Variants in ZNF227 observed in about 807,000 individuals in gnomAD.
The protein encoded by ZNF227 is zinc finger protein 227.
In ZNF227, 12 loss-of-function variants were observed where a neutral mutation model predicts 13.2. The ratio of observed to expected loss-of-function variants is 0.91; its 90% CI spans 0.58 to 1.47. The LOEUF (loss-of-function observed/expected upper bound fraction) is 1.47. Among genes scored for constraint, ZNF227 ranks in the 40% most tolerant of loss-of-function variants. ZNF227 has a pLI of 0.00. For missense variants in ZNF227, 885 were observed against 967.5 expected (o/e 0.91, Z 1.13); for synonymous variants, 338 against 326.0 (o/e 1.04, Z -0.40).
chr19:44,235,658 T>C lies in ZNF227; in HGVS notation c.1228T>C (p.Cys410Arg). 1.2e-6 allele frequency: 2 copies of C among 1,614,056 alleles called. No homozygotes were observed. Among genetic ancestry groups the C allele is most frequent in the Middle Eastern group, 1.6e-4 (1 of 6,062 alleles). Residue 410 changes from cysteine to arginine, a missense_variant, in exon 6 of 6, where the codon TGT becomes CGT. Cys to Arg is a radical substitution (Grantham distance 180, BLOSUM62 -3). Coordinates refer to ENST00000313040, the MANE Select transcript of ZNF227 (RefSeq NM_182490.3). Reference protein sequence around the residue: ...RVHRGEKPYKCEECGKGFTQA... With the variant: ...RVHRGEKPYKREECGKGFTQA... ...CCACAGGGGTGAGAAGCCCTATAAATGTGAGGAATGTGGTAAGGGCTTCAC... is the reference window on the plus strand; with the variant it reads ...CCACAGGGGTGAGAAGCCCTATAAACGTGAGGAATGTGGTAAGGGCTTCAC...
Position 44,236,399 on chromosome 19 carries a change from G to T in ZNF227, c.1969G>T (p.Glu657Ter). The T allele has an allele frequency of 6.2e-7, 1 of 1,614,036 alleles. No individual in the cohort carries two copies. Among genetic ancestry groups the T allele is most frequent in the Non-Finnish European group, 8.5e-7 (1 of 1,180,010 alleles). The change falls in exon 6 of 6, where the codon GAA becomes TAA. Residue 657 changes from glutamate (E) to a stop codon, truncating the protein, a stop_gained. Transcript: ENST00000313040. LOFTEE classifies it low-confidence loss of function (END_TRUNC). ...ATCCCATCAGAGAGTCCACACGGGG[G>T]AAAAGCCATACAAATGTGATGTGTG... ...LQSHQRVHTG[E>*]KPYKCDVCGK...
At chr19:44,219,609 T>C (rs970208378) in intron 3 of ZNF227, among the ~76,000 whole-genome samples, 8 of 152,070 alleles carry the variant, frequency 5.3e-5, no homozygotes, top group African/African-American at 1.9e-4. Flanking sequence ...TCAATGACTT[T>C]TTTAGAAAAA....
upstream of ZNF227, chr19:44,212,385 T>G (rs1971424363): frequency 1.4e-5 from 2 of 143,848 alleles, no homozygotes; most frequent in Non-Finnish European, 3.0e-5. Flanking sequence ...TTTGTTTTTT[T>G]TTTTTTCAAG....
At position 44,236,647 on chromosome 19, in the gene ZNF227, C is replaced by T. The variant is rs1974539301; in HGVS notation, c.2217C>T (p.Thr739=). The T allele has an allele frequency of 6.2e-7, 1 of 1,612,454 alleles. No individual in the cohort carries two copies. Among genetic ancestry groups the T allele is most frequent in the South Asian group, 1.1e-5 (1 of 91,010 alleles). The change falls in exon 6 of 6, where the codon ACC becomes ACT. Residue 739 remains threonine, a synonymous_variant. Transcript: ENST00000313040. ...TTCGAGTCCACCTGGGTGTTCACAC[C>T]AGGGAAAAACTCTTTAAATGTGAAG... ...SNLRVHLGVH[T]REKLFKCEEC...
intron 3 of ZNF227, among the ~76,000 whole-genome samples, chr19:44,219,957 A>G (rs76696707): frequency 6.7e-6 from 1 of 149,486 alleles, no homozygotes; most frequent in African/African-American, 2.5e-5. Flanking sequence ...CAGTCCCTGG[A>G]GTGTGATGTT....
chr19:44,230,763 G>C (rs1973692364), intron 5 of ZNF227, among the ~76,000 whole-genome samples: 1 of 150,894 alleles, frequency 6.6e-6, no homozygotes, highest in African/African-American at 2.4e-5. Flanking sequence ...ATATTCCTCA[G>C]GTCTATTGAC....
chr19:44,222,269 C>A (rs1972608342), intron 3 of ZNF227, among the ~76,000 whole-genome samples: 1 of 152,132 alleles, frequency 6.6e-6, no homozygotes, highest in African/African-American at 2.4e-5. Context: ...TCCATATGAA[C>A]TTTACAGTAG....
At chr19:44,230,765 T>G (rs1284951715) in intron 5 of ZNF227, among the ~76,000 whole-genome samples, 2 of 151,470 alleles carry the variant, frequency 1.3e-5, no homozygotes, top group Non-Finnish European at 2.9e-5. Flanking sequence ...ATTCCTCAGG[T>G]CTATTGACTT....
upstream of ZNF227, among the ~76,000 whole-genome samples, chr19:44,212,246 G>C (rs1459524328): frequency 1.3e-5 from 2 of 151,816 alleles, no homozygotes; most frequent in Non-Finnish European, 2.9e-5. Context: ...ACTGACATCA[G>C]AGAACTGCTT....
chr19:44,222,803 G>GA (rs1385285007), intron 3 of ZNF227, among the ~76,000 whole-genome samples: 1 of 151,436 alleles, frequency 6.6e-6, no homozygotes, highest in Non-Finnish European at 1.5e-5. Flanking sequence ...ACACTATGTT[G>GA]AATAGGAGTG....
chr19:44,233,700 A>C (rs1202830074), intron 5 of ZNF227, among the ~76,000 whole-genome samples: 1 of 152,168 alleles, frequency 6.6e-6, no homozygotes, highest in Non-Finnish European at 1.5e-5. Flanking sequence ...GTTCGAGACC[A>C]GCCTGGCCAA....
Position 44,235,531 on chromosome 19 carries a change from TC to T in ZNF227, c.1102del (p.Gln368SerfsTer84). 6.2e-7 allele frequency: 1 copy of T among 1,614,158 alleles called. No homozygotes were observed. The highest frequency in any genetic ancestry group is 8.5e-7 in the Non-Finnish European group (1 of 1,180,030). On this transcript the variant is annotated frameshift_variant, in exon 6 of 6. Coordinates refer to ENST00000313040, the MANE Select transcript of ZNF227 (RefSeq NM_182490.3). LOFTEE classifies it low-confidence loss of function (END_TRUNC). ...GKCFSQSSNF[Q>X]CHQRVHTEEK... ...AATGCTTTAGTCAAAGTTCAAATTT[TC>T]AGTGCCATCAGAGAGTCCACACTGA...
chr19:44,230,939 A>ATCTATATCTATATC (rs1568610013), intron 5 of ZNF227, among the ~76,000 whole-genome samples: 2 of 135,632 alleles, frequency 1.5e-5, no homozygotes, highest in African/African-American at 6.0e-5. Context: ...ATATATATAT[A>ATCTATATCTATATC]TATATATATA....
intron 3 of ZNF227, among the ~76,000 whole-genome samples, chr19:44,222,528 G>A (rs1972649280): frequency 6.6e-6 from 1 of 151,282 alleles, no homozygotes; most frequent in Admixed American, 6.6e-5. Context: ...TGAAGCAATT[G>A]TGAATGGGAG....
At chr19:44,222,489 A>AG (rs1205937776) in intron 3 of ZNF227, among the ~76,000 whole-genome samples, 2 of 151,024 alleles carry the variant, frequency 1.3e-5, no homozygotes, top group African/African-American at 4.9e-5. Flanking sequence ...ATCCCTTGTA[A>AG]GTTGGATTCC....
At chr19:44,219,876 C>T (rs953323292) in intron 3 of ZNF227, among the ~76,000 whole-genome samples, 23 of 151,020 alleles carry the variant, frequency 1.5e-4, no homozygotes, top group South Asian at 4.2e-4. Context: ...GTGTGCTGCA[C>T]CCATTAACTC....
At chr19:44,225,148 G>A (rs1202074709) in intron 3 of ZNF227, among the ~76,000 whole-genome samples, 1 of 152,294 alleles carries the variant, frequency 6.6e-6, no homozygotes, top group East Asian at 1.9e-4. Context: ...CTGTTAGTCT[G>A]ATGGGCTTCC....
intron 5 of ZNF227, among the ~76,000 whole-genome samples, chr19:44,230,483 A>AT (rs1973663350): frequency 6.6e-6 from 1 of 152,052 alleles, no homozygotes; most frequent in South Asian, 2.1e-4. Flanking sequence ...TGCTTAGATC[A>AT]TTTCAGCCAT....
In ZNF227 at chr19:44,235,799, GTCC is replaced by G. The variant is rs1352219308; in HGVS notation, c.1370_1372del (p.Val457_His458delinsAsp). ...TTCACCATTAATATGCCATCGGAGAGTCCACACAGGAGAGAAGCCATACAAGTG... is the reference window on the plus strand; with the variant it reads ...TTCACCATTAATATGCCATCGGAGAGACACAGGAGAGAAGCCATACAAGTG... On this transcript the variant is annotated inframe_deletion, in exon 6 of 6. Transcript: ENST00000313040. 1 of 1,613,486 alleles carries G rather than the reference GTCC, an allele frequency of 6.2e-7. No individual in the cohort carries two copies. Among genetic ancestry groups the G allele is most frequent in the South Asian group, 1.1e-5 (1 of 91,046 alleles).
Sources: allele counts gnomAD v4.1 joint callset (sites outside exome capture counted in the v4.1 genomes callset), GRCh38; gene constraint gnomAD v4.1.1; transcripts MANE v1.5; gene names NCBI Gene and HGNC (gene_info 2026-07-23, HGNC 2026-07-21).